Variants in EVA1C observed in about 807,000 individuals in gnomAD.
EVA1C encodes protein eva-1 homolog C.
A neutral mutation model predicts 45.4 loss-of-function variants in EVA1C; 25 were observed. The ratio of observed to expected loss-of-function variants is 0.55; its 90% CI spans 0.40 to 0.77. The LOEUF (loss-of-function observed/expected upper bound fraction) is 0.77. EVA1C is among the 30% of genes least tolerant of loss of function. The pLI, the probability that EVA1C is intolerant of heterozygous loss-of-function variation, is 0.00. For missense variants in EVA1C, 479 were observed against 554.8 expected (o/e 0.86, Z 1.37); for synonymous variants, 190 against 221.2 (o/e 0.86, Z 1.25).
chr21:32,461,337 T>C (rs892365672), intron 3 of EVA1C, among the ~76,000 whole-genome samples: 1 of 152,178 alleles, frequency 6.6e-6, no homozygotes, highest in East Asian at 1.9e-4. Context: ...GGTGCTGTGA[T>C]GAAGTCATAA....
chr21:32,500,190 A>ATTTT lies in EVA1C; in HGVS notation c.779-1203_779-1200dup, dbSNP rs538897939. Among the ~76,000 whole-genome samples the ATTTT allele has an allele frequency of 1.5e-3, 139 of 91,072 alleles. 1 individual carries two copies. The highest frequency in any genetic ancestry group is 2.1e-3 in the East Asian group (5 of 2,434). The allele number at this position is 91,072 out of a possible 152,430, so 59.7% of individuals were successfully genotyped here. On this transcript the variant is annotated intron_variant, in intron 5 of 7. Transcript: ENST00000300255. ...GCTCATCTTCAGAGTTAACCACCCT[A>ATTTT]TTTTTTTTTTTTTTTTTTTTTTTTT...
At chr21:32,439,783 A>C (rs1178467769) in intron 1 of EVA1C, among the ~76,000 whole-genome samples, 1 of 152,130 alleles carries the variant, frequency 6.6e-6, no homozygotes, top group Non-Finnish European at 1.5e-5. Context: ...TCCTAAATCC[A>C]GTCATCTTCA....
intron 1 of EVA1C, among the ~76,000 whole-genome samples, chr21:32,432,306 CA>C (rs1334295345): frequency 6.0e-4 from 91 of 152,236 alleles, no homozygotes; most frequent in African/African-American, 2.2e-3. Flanking sequence ...AAGCCGTCAT[CA>C]GCCATACTTG....
At chr21:32,507,802 CTGTG>C (rs200611281) in intron 7 of EVA1C, among the ~76,000 whole-genome samples, 20 of 147,090 alleles carry the variant, frequency 1.4e-4, no homozygotes, top group African/African-American at 5.1e-4. Context: ...ATGTGTATCT[CTGTG>C]TGCATGTATG....
chr21:32,487,350 A>T (rs1262231480), intron 4 of EVA1C, among the ~76,000 whole-genome samples: 1 of 152,158 alleles, frequency 6.6e-6, no homozygotes, highest in Non-Finnish European at 1.5e-5. Flanking sequence ...AACCATGCCT[A>T]TATCATGAGA....
At chr21:32,513,032 A>G (rs1183070123) in intron 7 of EVA1C, among the ~76,000 whole-genome samples, 1 of 151,084 alleles carries the variant, frequency 6.6e-6, no homozygotes. Context: ...TACTTACAAT[A>G]ATATAATAAG....
intron 4 of EVA1C, among the ~76,000 whole-genome samples, chr21:32,492,497 G>A (rs922558894): frequency 6.6e-6 from 1 of 152,002 alleles, no homozygotes; most frequent in Non-Finnish European, 1.5e-5. Context: ...AGAGGGTAGA[G>A]GAGTTTGTCA....
intron 4 of EVA1C, among the ~76,000 whole-genome samples, chr21:32,479,076 T>C (rs1164409117): frequency 2.6e-5 from 4 of 152,254 alleles, no homozygotes; most frequent in African/African-American, 9.6e-5. Context: ...ATGTAAATGG[T>C]TGAATATCTT....
At chr21:32,447,032 G>A (rs1321414495) in intron 1 of EVA1C, among the ~76,000 whole-genome samples, 6 of 152,074 alleles carry the variant, frequency 3.9e-5, no homozygotes, top group Non-Finnish European at 7.4e-5. Context: ...TGGAGCCCAC[G>A]GTTCATCATT....
rs141751448 is a variant in EVA1C, at chr21:32,505,260, T to C, written c.949+1245T>C. Among the ~76,000 whole-genome samples the C allele has an allele frequency of 3.7e-3, 568 of 152,254 alleles. 4 individuals carry two copies. The highest frequency in any genetic ancestry group is 0.015 in the South Asian group (72 of 4,812). On this transcript the variant is annotated intron_variant, in intron 7 of 7. Transcript: ENST00000300255. ...TGTCCTCCTGCGTCAGGATTCCTCC[T>C]GTGTGTGTGTTGTGTGGTTGATGGT...
At chr21:32,427,275 A>C (rs952032649) in intron 1 of EVA1C, among the ~76,000 whole-genome samples, 6 of 152,202 alleles carry the variant, frequency 3.9e-5, no homozygotes, top group African/African-American at 1.4e-4. Flanking sequence ...GATGTATATA[A>C]TACATTTGTT....
chr21:32,459,088 C>T (rs1416355811), intron 3 of EVA1C, among the ~76,000 whole-genome samples: 1 of 152,130 alleles, frequency 6.6e-6, no homozygotes, highest in Non-Finnish European at 1.5e-5. Context: ...CACACTCTCA[C>T]AGCACATAAC....
chr21:32,501,283 AGAGT>A (rs745921827), intron 5 of EVA1C, 128 bp from the exon 6 acceptor site: 81 of 730,460 alleles, frequency 1.1e-4, no homozygotes, highest in Non-Finnish European at 1.7e-4. Context: ...TTTAACAGGA[AGAGT>A]GAGTGATTCT....
At chr21:32,487,854 C>T (rs1243282967) in intron 4 of EVA1C, among the ~76,000 whole-genome samples, 2 of 152,066 alleles carry the variant, frequency 1.3e-5, no homozygotes, top group Non-Finnish European at 2.9e-5. Flanking sequence ...AACTAATAAT[C>T]TTGTAAGTAA....
chr21:32,468,391 C>CAAA (rs200665323), intron 4 of EVA1C, among the ~76,000 whole-genome samples: 1 of 149,858 alleles, frequency 6.7e-6, no homozygotes, highest in East Asian at 2.0e-4. Context: ...AACAAACAAA[C>CAAA]AAAAAAACAA....
intron 5 of EVA1C, chr21:32,497,268 C>A: frequency 1.3e-6 from 1 of 750,064 alleles, no homozygotes; most frequent in Non-Finnish European, 2.4e-6. Context: ...GAACACATGA[C>A]ATTAGATCAA....
intron 7 of EVA1C, among the ~76,000 whole-genome samples, chr21:32,512,643 C>G (rs965354089): frequency 3.9e-5 from 6 of 152,160 alleles, no homozygotes; most frequent in African/African-American, 1.4e-4. Flanking sequence ...CTGTCCAGAT[C>G]TGTCCCTGGC....
chr21:32,445,143 T>C (rs1345234507), intron 1 of EVA1C, among the ~76,000 whole-genome samples: 2 of 152,162 alleles, frequency 1.3e-5, no homozygotes, highest in Non-Finnish European at 2.9e-5. Context: ...TGGGGGAATA[T>C]ACAATTTTCA....
intron 5 of EVA1C, 46 bp downstream of exon 5, chr21:32,495,216 T>G (rs1568943355): frequency 6.3e-7 from 1 of 1,598,304 alleles, no homozygotes; most frequent in Non-Finnish European, 8.5e-7. Context: ...CTGCCTCTTT[T>G]GGGGGAGGGT....
Sources: gnomAD v4.1 joint callset for allele counts (sites outside exome capture counted in the v4.1 genomes callset) on GRCh38, gnomAD v4.1.1 for gene constraint, MANE v1.5 for transcripts, NCBI Gene and HGNC (gene_info 2026-07-23, HGNC 2026-07-21) for gene names.